Variants in UNC79 observed in about 807,000 individuals in gnomAD.
The protein encoded by UNC79 is unc-79 subunit of NALCN channel complex, also known as protein unc-79 homolog.
Under a neutral mutation model 283.1 loss-of-function variants are expected in UNC79, and 37 were observed. The observed-to-expected ratio is 0.13, with a 90% CI of 0.10 to 0.17. The LOEUF (loss-of-function observed/expected upper bound fraction) is 0.17. UNC79 is among the 10% of genes least tolerant of loss of function. The probability of loss-of-function intolerance (pLI) is 1.00; values close to 1 mark genes in which losing one functional copy is unlikely to be tolerated. For synonymous variants in UNC79, 1,107 were observed against 1,200.2 expected (o/e 0.92, Z 1.61); for missense variants, 2,272 against 3,211.1 (o/e 0.71, Z 7.07).
chr14:93,522,159 A>G (rs1338931643), intron 7 of UNC79, among the ~76,000 whole-genome samples: 2 of 152,088 alleles, frequency 1.3e-5, no homozygotes, highest in Admixed American at 1.3e-4. Context: ...CTGGCAGAAT[A>G]GAAGTCTTTA....
chr14:93,622,836 A>G (rs750918601), exon 30 of UNC79: 15 of 1,612,186 alleles, frequency 9.3e-6, no homozygotes, highest in Non-Finnish European at 1.1e-5. Context: ...GAACAGAAAG[A>G]TCCAGGTAAG....
intron 47 of UNC79, among the ~76,000 whole-genome samples, chr14:93,696,523 A>T (rs1464898262): frequency 6.6e-6 from 1 of 152,202 alleles, no homozygotes; most frequent in Non-Finnish European, 1.5e-5. Context: ...AGAGTTGTGT[A>T]CTGGTATCTT....
intron 32 of UNC79, among the ~76,000 whole-genome samples, chr14:93,638,525 A>C (rs2068714720): frequency 6.6e-6 from 1 of 152,232 alleles, no homozygotes; most frequent in Non-Finnish European, 1.5e-5. Flanking sequence ...TGATCCATGC[A>C]TGCCTTTGAG....
intron 48 of UNC79, among the ~76,000 whole-genome samples, 178 bp downstream of exon 51, chr14:93,704,844 G>C (rs1399203574): frequency 1.3e-5 from 2 of 152,176 alleles, no homozygotes; most frequent in Non-Finnish European, 2.9e-5. Flanking sequence ...CAGGCAGGGG[G>C]TGGCAGCAGG....
At chr14:93,366,843 G>A (rs1340574210) in intron 1 of UNC79, among the ~76,000 whole-genome samples, 4 of 152,100 alleles carry the variant, frequency 2.6e-5, no homozygotes, top group Non-Finnish European at 2.9e-5. Context: ...AAAGTGCTGG[G>A]ATTATAGGTG....
At chr14:93,646,202 A>G (rs1467248768) in intron 34 of UNC79, among the ~76,000 whole-genome samples, 1 of 152,076 alleles carries the variant, frequency 6.6e-6, no homozygotes, top group African/African-American at 2.4e-5. Flanking sequence ...CTATTTTACT[A>G]TCTTATGGAG....
exon 36 of UNC79, chr14:93,653,774 C>T: frequency 6.2e-7 from 1 of 1,610,870 alleles, no homozygotes; most frequent in Non-Finnish European, 8.5e-7. Context: ...GCGGGGGTGG[C>T]CAAGCAGTTC....
chr14:93,664,054 C>T (rs998384713), intron 40 of UNC79, among the ~76,000 whole-genome samples: 1 of 152,102 alleles, frequency 6.6e-6, no homozygotes, highest in African/African-American at 2.4e-5. Flanking sequence ...TTTTACTTCC[C>T]ATTATCATCT....
At chr14:93,692,045 A>T in intron 46 of UNC79, 99 bp downstream of exon 49, 1 of 1,386,468 alleles carries the variant, frequency 7.2e-7, no homozygotes, top group Non-Finnish European at 1.0e-6. Context: ...CTCAGTTGTA[A>T]GGTTATATAA....
intron 1 of UNC79, among the ~76,000 whole-genome samples, chr14:93,421,127 A>G (rs1039241375): frequency 2.0e-5 from 3 of 151,732 alleles, no homozygotes; most frequent in African/African-American, 7.2e-5. Flanking sequence ...AATGAATTTA[A>G]TATGAAGAAA....
Position 93,536,832 on chromosome 14 carries a change from TA to T in UNC79, c.1123-1156del, listed in dbSNP as rs201020545. On this transcript the variant is annotated intron_variant, in intron 11 of 48. Transcript: ENST00000555664. ...ATCTAAAAGAGTCAATGGTGTACCA[TA>T]TTAAATTCTGAGTTCTTAACAAAGG... 4.5e-3 allele frequency among the ~76,000 whole-genome samples: 586 copies of T among 130,280 alleles called. 5 individuals are homozygous for T. Among genetic ancestry groups the T allele is most frequent in the African/African-American group, 0.015 (555 of 36,078 alleles). The allele number at this position is 130,280 out of a possible 152,430, so 85.5% of individuals were successfully genotyped here.
chr14:93,420,179 A>T (rs924382887), intron 1 of UNC79, among the ~76,000 whole-genome samples: 7 of 127,398 alleles, frequency 5.5e-5, no homozygotes, highest in African/African-American at 2.7e-4. Context: ...CTGAACAGAT[A>T]AAAAAAAAAA....
intron 1 of UNC79, among the ~76,000 whole-genome samples, chr14:93,352,805 C>A (rs1489214747): frequency 6.6e-6 from 1 of 152,158 alleles, no homozygotes; most frequent in East Asian, 1.9e-4. Context: ...GGGTTACCTC[C>A]TGATAAACCC....
At position 93,467,664 on chromosome 14, in the gene UNC79, T is replaced by TTTTTTTTGGTTGA; in HGVS notation, c.23-7_23-6insTTTTTTTGGTTGA. On this transcript the variant is annotated splice_region_variant and splice_polypyrimidine_tract_variant and intron_variant, in intron 1 of 48. Transcript: ENST00000555664. ...TTTTTTTTTTTTTTTTTTTTGCTTT[T>TTTTTTTTGGTTGA]ATCTAGTTGCTTCCAAGATCCGGTA... 1 of 1,224,142 alleles carries TTTTTTTTGGTTGA rather than the reference T, an allele frequency of 8.2e-7. No homozygotes were observed. The highest frequency in any genetic ancestry group is 1.0e-6 in the Non-Finnish European group (1 of 979,754). 75.8% of individuals were successfully genotyped at this position (1,224,142 alleles called of 1,614,324 possible). A position where few individuals can be genotyped will look rare whatever the true frequency, so the allele number is the denominator to read the frequency against.
intron 40 of UNC79, among the ~76,000 whole-genome samples, chr14:93,668,782 T>G (rs2072493474): frequency 6.6e-6 from 1 of 150,446 alleles, no homozygotes; most frequent in Non-Finnish European, 1.5e-5. Context: ...AGGTAGAGGT[T>G]GCAGTGAACC....
chr14:93,638,700 C>T (rs558747411), intron 32 of UNC79, among the ~76,000 whole-genome samples: 1 of 152,286 alleles, frequency 6.6e-6, no homozygotes, highest in Admixed American at 6.5e-5. Context: ...TTCAGCTATT[C>T]AGAAGGGGAG....
intron 20 of UNC79, among the ~76,000 whole-genome samples, chr14:93,584,860 T>TA (rs1324614346): frequency 2.7e-5 from 4 of 150,752 alleles, no homozygotes; most frequent in African/African-American, 9.7e-5. Flanking sequence ...CCACTCTGGC[T>TA]AAGTTTTTTT....
chr14:93,568,706 A>C (rs965479198), intron 14 of UNC79, among the ~76,000 whole-genome samples: 10 of 83,688 alleles, frequency 1.2e-4, no homozygotes, highest in African/African-American at 4.3e-4. Flanking sequence ...AAAAAACAAA[A>C]ACAAACAAAC....
chr14:93,545,425 G>T (rs1485483611), intron 14 of UNC79, among the ~76,000 whole-genome samples: 1 of 152,182 alleles, frequency 6.6e-6, no homozygotes, highest in Middle Eastern at 3.2e-3. Context: ...GTTTCTTGAT[G>T]CTAGAAGTCA....
Sources: allele counts gnomAD v4.1 joint callset (sites outside exome capture counted in the v4.1 genomes callset), GRCh38; gene constraint gnomAD v4.1.1; transcripts MANE v1.5; gene names NCBI Gene and HGNC (gene_info 2026-07-23, HGNC 2026-07-21).